POFUT3: variants seen among roughly 807,000 people sequenced by gnomAD.
POFUT3 encodes the protein protein O-fucosyltransferase 3, also known as GDP-fucose protein O-fucosyltransferase 3.
At chr8:33,430,523 G>T in the POFUT3 span, among the ~76,000 whole-genome samples, 1 of 152,142 alleles carries the variant, frequency 6.6e-6, no homozygotes, top group Non-Finnish European at 1.5e-5. Flanking sequence ...AGCCAATCAC[G>T]TGTCAAAGAC....
At chr8:33,342,138 C>T in the POFUT3 span, among the ~76,000 whole-genome samples, 1 of 152,050 alleles carries the variant, frequency 6.6e-6, no homozygotes, top group Non-Finnish European at 1.5e-5. Flanking sequence ...TGAGATCACA[C>T]CACTGCAACT....
At chr8:33,464,137 G>C in the POFUT3 span, among the ~76,000 whole-genome samples, 1 of 152,064 alleles carries the variant, frequency 6.6e-6, no homozygotes, top group Admixed American at 6.6e-5. Context: ...TTCAGACCCT[G>C]ACACATAATA....
chr8:33,371,373 G>C, the POFUT3 span: 2 of 152,062 alleles, frequency 1.3e-5, no homozygotes, highest in Non-Finnish European at 2.9e-5. Flanking sequence ...GCACACCAAG[G>C]GCACAGCCTT....
the POFUT3 span, among the ~76,000 whole-genome samples, chr8:33,455,079 T>G: frequency 6.6e-6 from 1 of 152,170 alleles, no homozygotes; most frequent in Non-Finnish European, 1.5e-5. Flanking sequence ...TTATTACAAT[T>G]AAAGTAGTCA....
chr8:33,370,448 G>A, the POFUT3 span, among the ~76,000 whole-genome samples: 2 of 152,176 alleles, frequency 1.3e-5, no homozygotes, highest in Non-Finnish European at 2.9e-5. Flanking sequence ...CAGCCATGAG[G>A]CATTCCTCAA....
chr8:33,339,469 T>C, the POFUT3 span, among the ~76,000 whole-genome samples: 1 of 152,284 alleles, frequency 6.6e-6, no homozygotes, highest in East Asian at 1.9e-4. Flanking sequence ...TTTGTGTATT[T>C]GGAACCCTGG....
chr8:33,418,103 C>T, the POFUT3 span, among the ~76,000 whole-genome samples: 1 of 152,132 alleles, frequency 6.6e-6, no homozygotes, highest in African/African-American at 2.4e-5. Context: ...GAGCCCCCAG[C>T]CCCCAGCAGA....
the POFUT3 span, among the ~76,000 whole-genome samples, chr8:33,465,532 G>A: frequency 2.6e-5 from 4 of 151,858 alleles, no homozygotes; most frequent in African/African-American, 4.8e-5. Flanking sequence ...GCGCAATCTC[G>A]GCTCACTGCA....
chr8:33,400,153 G>T, the POFUT3 span, among the ~76,000 whole-genome samples: 2 of 144,088 alleles, frequency 1.4e-5, no homozygotes, highest in South Asian at 2.3e-4. Context: ...AAAAAAGATG[G>T]TGGGGGGGTG....
chr8:33,348,920 C>A, the POFUT3 span, among the ~76,000 whole-genome samples: 1 of 152,196 alleles, frequency 6.6e-6, no homozygotes, highest in African/African-American at 2.4e-5. Flanking sequence ...GAATATTGAG[C>A]TAGAGAGTGT....
chr8:33,406,901 C>T, the POFUT3 span, among the ~76,000 whole-genome samples: 3 of 152,024 alleles, frequency 2.0e-5, no homozygotes, highest in Non-Finnish European at 4.4e-5. Flanking sequence ...CATAGTGATA[C>T]GTTCATTCAT....
At chr8:33,470,836 C>T in the POFUT3 span, among the ~76,000 whole-genome samples, 1 of 152,104 alleles carries the variant, frequency 6.6e-6, no homozygotes, top group African/African-American at 2.4e-5. Context: ...GAGGTTCCAT[C>T]CCAAAACTAA....
the POFUT3 span, among the ~76,000 whole-genome samples, chr8:33,309,158 AAAAAAAAAAATAT>A: frequency 4.3e-5 from 2 of 46,316 alleles, no homozygotes; most frequent in Non-Finnish European, 7.1e-5. Context: ...AAAAAAAAAA[AAAAAAAAAAATAT>A]ATATATATAT....
the POFUT3 span, among the ~76,000 whole-genome samples, chr8:33,450,338 A>G: frequency 6.6e-6 from 1 of 152,228 alleles, no homozygotes; most frequent in African/African-American, 2.4e-5. Flanking sequence ...TACACGTACC[A>G]TTTGCCCCTG....
chr8:33,404,690 G>A, the POFUT3 span, among the ~76,000 whole-genome samples: 1 of 151,742 alleles, frequency 6.6e-6, no homozygotes, highest in Non-Finnish European at 1.5e-5. Context: ...ATCACATTTG[G>A]AAAGTCTGCA....
the POFUT3 span, among the ~76,000 whole-genome samples, chr8:33,318,646 T>C: frequency 3.4e-5 from 3 of 87,442 alleles, no homozygotes; most frequent in Non-Finnish European, 5.9e-5. Flanking sequence ...AAATATATTG[T>C]ATATATATTT....
chr8:33,316,573 A>C, the POFUT3 span, among the ~76,000 whole-genome samples: 3 of 66,952 alleles, frequency 4.5e-5, no homozygotes, highest in African/African-American at 2.1e-4. Flanking sequence ...CTACAAAAAA[A>C]AAGAAAGAAA....
the POFUT3 span, among the ~76,000 whole-genome samples, chr8:33,388,102 A>G: frequency 1.3e-5 from 2 of 152,172 alleles, no homozygotes; most frequent in Non-Finnish European, 2.9e-5. Flanking sequence ...GAAAGTTTTT[A>G]TAAGGATTAT....
chr8:33,335,786 A>G, the POFUT3 span, among the ~76,000 whole-genome samples: 3 of 152,232 alleles, frequency 2.0e-5, no homozygotes, highest in Non-Finnish European at 4.4e-5. Flanking sequence ...TAAGAAAATC[A>G]TCAAAAAGAG....
Sources: allele counts gnomAD v4.1 joint callset (sites outside exome capture counted in the v4.1 genomes callset), GRCh38; gene constraint gnomAD v4.1.1; transcripts MANE v1.5; gene names NCBI Gene and HGNC (gene_info 2026-07-23, HGNC 2026-07-21).